The following RRM2 variants were observed in gnomAD, a reference collection of about 807,000 sequenced individuals.
RRM2 encodes the protein ribonucleotide reductase regulatory subunit M2.
A neutral mutation model predicts 45.9 loss-of-function variants in RRM2; 6 were observed. The ratio of observed to expected loss-of-function variants is 0.13; its 90% CI spans 0.07 to 0.26. RRM2 has a LOEUF of 0.26. Ranked by LOEUF, RRM2 falls within the 10% of genes least tolerant of loss-of-function variation. RRM2 has a pLI of 1.00. For synonymous variants in RRM2, 177 were observed against 173.0 expected (o/e 1.02, Z -0.18); for missense variants, 343 against 489.5 (o/e 0.70, Z 2.82).
At chr2:10,179,071 G>A (rs563221376) in intron 3 of RRM2, among the ~76,000 whole-genome samples, 1 of 152,184 alleles carries the variant, frequency 6.6e-6, no homozygotes, top group Non-Finnish European at 1.5e-5. Context: ...CTAAGACACT[G>A]TGTACCGATG....
chr2:10,196,981 G>A (rs1263566873), intron 3 of RRM2, among the ~76,000 whole-genome samples: 1 of 152,194 alleles, frequency 6.6e-6, no homozygotes, highest in African/African-American at 2.4e-5. Flanking sequence ...CCTGAGAAGG[G>A]GCTCTGGGGT....
intron 3 of RRM2, among the ~76,000 whole-genome samples, chr2:10,180,640 CTCT>C (rs1214542999): frequency 6.6e-6 from 1 of 152,218 alleles, no homozygotes; most frequent in African/African-American, 2.4e-5. Flanking sequence ...GTCCTTCTTT[CTCT>C]TCTTCTATGA....
chr2:10,170,055 G>A (rs766863570), intron 3 of RRM2, among the ~76,000 whole-genome samples: 2 of 152,306 alleles, frequency 1.3e-5, no homozygotes, highest in African/African-American at 2.4e-5. Flanking sequence ...GGAGGCCCCC[G>A]GGACTGGGGC....
intron 3 of RRM2, among the ~76,000 whole-genome samples, chr2:10,152,597 C>T (rs948709501): frequency 6.6e-6 from 1 of 151,896 alleles, no homozygotes; most frequent in Non-Finnish European, 1.5e-5. Context: ...GTTCTCCCAC[C>T]TCAGCCTCCC....
intron 3 of RRM2, among the ~76,000 whole-genome samples, chr2:10,186,471 C>A (rs1664169241): frequency 6.6e-6 from 1 of 151,396 alleles, no homozygotes; most frequent in South Asian, 2.2e-4. Flanking sequence ...GGTTTTCAAA[C>A]TGGTTTCGGA....
At chr2:10,148,473 A>C (rs6432066) in intron 3 of RRM2, among the ~76,000 whole-genome samples, 96,642 of 152,022 alleles carry the variant, frequency 0.64, 31,263 homozygotes, top group African/African-American at 0.7. Flanking sequence ...AGCTTTCCAG[A>C]ATATAAAATT....
rs141995155 is a variant in RRM2 at position 10,128,831 on chromosome 2, T to G, written c.799-17T>G. 1 of 1,595,464 alleles carries G rather than the reference T, an allele frequency of 6.3e-7. No homozygotes were observed. Among genetic ancestry groups the G allele is most frequent in the African/African-American group, 1.3e-5 (1 of 74,642 alleles). ...AGAAGTCTTCTGGCTTTAGTGATCT[T>G]GAACTTTTTTTTCTAGGGTTTACAC... is the stretch of plus-strand genomic sequence containing the variant. On this transcript the variant is annotated splice_polypyrimidine_tract_variant and intron_variant, in intron 7 of 9. Coordinates refer to ENST00000304567, the MANE Select transcript of RRM2 (RefSeq NM_001034.4).
chr2:10,156,035 G>T (rs1236999868), intron 3 of RRM2: 4 of 152,224 alleles, frequency 2.6e-5, no homozygotes, highest in African/African-American at 9.7e-5. Context: ...GCCTGAGTCT[G>T]CCTGAGTCTA....
chr2:10,137,173 G>A (rs1663002319), upstream of RRM2, among the ~76,000 whole-genome samples: 1 of 152,222 alleles, frequency 6.6e-6, no homozygotes, highest in Non-Finnish European at 1.5e-5. Flanking sequence ...CCATTTTACA[G>A]ATATGGCCGG....
chr2:10,123,375 CT>C lies in RRM2; in HGVS notation c.175-11del. The C allele has an allele frequency of 1.3e-6, 2 of 1,599,162 alleles. No individual in the cohort carries two copies. Among genetic ancestry groups the C allele is most frequent in the South Asian group, 2.2e-5 (2 of 90,086 alleles). On this transcript the variant is annotated splice_polypyrimidine_tract_variant and intron_variant, in intron 2 of 9. Coordinates refer to ENST00000304567, the MANE Select transcript of RRM2 (RefSeq NM_001034.4). Reference sequence around the variant, plus strand: ...GCCCGGTACTTAAATGTTTTATTTTCTCCCCCAACAGAAAACTAAAGCAGCT... The same window carrying C: ...GCCCGGTACTTAAATGTTTTATTTTCCCCCCAACAGAAAACTAAAGCAGCT...
At chr2:10,124,068 G>C in intron 4 of RRM2, 1 of 534,110 alleles carries the variant, frequency 1.9e-6, no homozygotes, top group Non-Finnish European at 3.3e-6. Flanking sequence ...TTAAGTGGTA[G>C]CAATGTGATG....
chr2:10,126,162 T>TAAAA (rs532815964), intron 5 of RRM2, among the ~76,000 whole-genome samples: 5 of 89,362 alleles, frequency 5.6e-5, no homozygotes, highest in East Asian at 7.1e-4. Flanking sequence ...CTCATCTCTT[T>TAAAA]AAAAAAAAAA....
chr2:10,178,223 C>CT (rs34044826), intron 3 of RRM2, among the ~76,000 whole-genome samples: 4,432 of 125,284 alleles, frequency 0.035, 275 homozygotes, highest in African/African-American at 0.13. Flanking sequence ...ACCGTGCAGG[C>CT]TTTTTTTTTT....
Position 10,161,640 on chromosome 2 carries a change from G to T in RRM2, n.482+19265G>T, listed in dbSNP as rs6759565. Among the ~76,000 whole-genome samples, 1,132 of 150,996 alleles carry T rather than the reference G, an allele frequency of 7.5e-3. 13 individuals are homozygous for T. The highest frequency in any genetic ancestry group is 0.027 in the African/African-American group (1,081 of 40,510). Reference sequence around the variant, plus strand: ...TGCATACTCACACATGCTCACTCATGCACTCACACATACACTCACACTCAT... The same window carrying T: ...TGCATACTCACACATGCTCACTCATTCACTCACACATACACTCACACTCAT... On this transcript the variant is annotated intron_variant and non_coding_transcript_variant, in intron 3 of 3. Coordinates refer to the RRM2 transcript ENST00000381786.
rs112422362 is a variant in RRM2, at chr2:10,210,610, C to A, written n.782C>A. On this transcript the variant is annotated non_coding_transcript_exon_variant, in exon 4 of 4. Transcript: ENST00000381786. ...CAGGGCCCCATAGACAGCAGATCTG[C>A]TGCTTTCAATCACACCCACTGCCTC... The A allele has an allele frequency of 2.1e-3, 2,891 of 1,361,686 alleles. 48 individuals carry two copies. In the African/African-American group the frequency reaches 0.04, roughly 19 times the overall value. The allele number at this position is 1,361,686 out of a possible 1,614,324, so 84.4% of individuals were successfully genotyped here.
intron 3 of RRM2, among the ~76,000 whole-genome samples, chr2:10,208,958 G>A (rs1267729090): frequency 6.6e-6 from 1 of 151,744 alleles, no homozygotes; most frequent in Non-Finnish European, 1.5e-5. Context: ...GCTGGATCCT[G>A]CCTGTTCAGA....
Position 10,129,112 on chromosome 2 carries a change from G to A in RRM2, c.975G>A (p.Glu325=). The A allele has an allele frequency of 6.2e-7, 1 of 1,614,214 alleles. No homozygotes were observed. Among genetic ancestry groups the A allele is most frequent in the Non-Finnish European group, 8.5e-7 (1 of 1,180,028 alleles). The change falls in exon 9 of 10, where the codon GAG becomes GAA. Residue 325 remains glutamate, a synonymous_variant. Transcript: ENST00000304567. This position sits in a 1 kb window ranked among gnomAD's most constrained non-coding sequence, Gnocchi z 4.8. Reference sequence around the variant, plus strand: ...GCACTCTAATGAAGCAATACATTGAGTTTGTGGCAGACAGACTTATGCTGG... The same window carrying A: ...GCACTCTAATGAAGCAATACATTGAATTTGTGGCAGACAGACTTATGCTGG... The part of the protein sequence containing the change: ...MNCTLMKQYI[E]FVADRLMLEL...
intron 3 of RRM2, among the ~76,000 whole-genome samples, chr2:10,159,809 G>A (rs562073717): frequency 6.6e-6 from 1 of 152,152 alleles, no homozygotes; most frequent in Non-Finnish European, 1.5e-5. Flanking sequence ...TTTCAGAAAC[G>A]CTGGCTTGAA....
exon 4 of RRM2, chr2:10,210,643 G>T: frequency 1.5e-6 from 2 of 1,342,398 alleles, no homozygotes; most frequent in Non-Finnish European, 9.9e-7. Context: ...CTCTCATGCC[G>T]GAGTGGGGGA....
Sources: allele counts gnomAD v4.1 joint callset (sites outside exome capture counted in the v4.1 genomes callset), GRCh38; gene constraint gnomAD v4.1.1; non-coding constraint Gnocchi (gnomAD v3.1); transcripts MANE v1.5; gene names NCBI Gene and HGNC (gene_info 2026-07-23, HGNC 2026-07-21).